The following UNC13C variants were observed in gnomAD, a reference collection of about 807,000 sequenced individuals.
UNC13C encodes unc-13 homolog C, also known as protein unc-13 homolog C.
Under a neutral mutation model 245.4 loss-of-function variants are expected in UNC13C, and 174 were observed. That is an observed-to-expected ratio of 0.71 (90% CI 0.63 to 0.80). The LOEUF is 0.80. UNC13C is among the 30% of genes least tolerant of loss of function. UNC13C has a pLI of 0.00. For missense variants in UNC13C, 2,829 were observed against 2,602.9 expected, an observed-to-expected ratio of 1.09 and a Z score of -1.89; for synonymous variants, 992 against 895.1, an observed-to-expected ratio of 1.11 and a Z score of -1.93.
At chr15:53,889,840 T>C in the UNC13C span, among the ~76,000 whole-genome samples, 1 of 152,230 alleles carries the variant, frequency 6.6e-6, no homozygotes, top group Non-Finnish European at 1.5e-5. Context: ...GTTCTGTTTA[T>C]ATGATGGTGT....
intron 19 of UNC13C, among the ~76,000 whole-genome samples, chr15:54,429,945 T>C (rs889563919): frequency 6.6e-6 from 1 of 151,692 alleles, no homozygotes; most frequent in Non-Finnish European, 1.5e-5. Flanking sequence ...TAAAAATGCA[T>C]ATGGTACATC....
At chr15:54,042,077 A>C (rs1477651590) in intron 2 of UNC13C, among the ~76,000 whole-genome samples, 3 of 152,148 alleles carry the variant, frequency 2.0e-5, no homozygotes, top group Non-Finnish European at 4.4e-5. Flanking sequence ...GCGATTTTTA[A>C]ATTTGGGGTG....
At chr15:53,998,834 T>C (rs1019688824) in intron 1 of UNC13C, among the ~76,000 whole-genome samples, 1 of 151,892 alleles carries the variant, frequency 6.6e-6, no homozygotes, top group African/African-American at 2.4e-5. Flanking sequence ...GTTAAGTGCC[T>C]TTTTTTTCTT....
intron 30 of UNC13C, among the ~76,000 whole-genome samples, chr15:54,571,121 T>A (rs914012726): frequency 2.0e-5 from 3 of 152,182 alleles, no homozygotes; most frequent in African/African-American, 7.2e-5. Flanking sequence ...AATGACCAAA[T>A]GAAGTCTCAG....
At chr15:54,530,050 C>T (rs1895665708) in intron 25 of UNC13C, among the ~76,000 whole-genome samples, 1 of 152,132 alleles carries the variant, frequency 6.6e-6, no homozygotes, top group Admixed American at 6.5e-5. Flanking sequence ...CGAAATATTG[C>T]TCTTCGTGAC....
At chr15:54,137,867 G>T (rs1039082275) in intron 2 of UNC13C, among the ~76,000 whole-genome samples, 3 of 151,730 alleles carry the variant, frequency 2.0e-5, no homozygotes. Flanking sequence ...TGCTGACATT[G>T]GGCTTAGTTT....
At position 54,049,154 on chromosome 15, in the gene UNC13C, A is replaced by G. The variant is rs530220209; in HGVS notation, c.2983+33268A>G. On this transcript the variant is annotated intron_variant, in intron 2 of 32. Transcript: ENST00000260323. ...CATCCTTACGAGGAAGAAGCTTTCCATCATCTAATAGTTTTCCAGTTGATA... is the reference window on the plus strand; with the variant it reads ...CATCCTTACGAGGAAGAAGCTTTCCGTCATCTAATAGTTTTCCAGTTGATA... The G allele has an allele frequency of 2.0e-5, 8 of 400,270 alleles. No individual in the cohort carries two copies. In the Admixed American group the frequency reaches 2.4e-4, roughly 12 times the overall value. The allele number at this position is 400,270 out of a possible 1,614,324, so 24.8% of individuals were successfully genotyped here. A position where few individuals can be genotyped will look rare whatever the true frequency, so the allele number is the denominator to read the frequency against.
At chr15:54,304,853 A>C (rs1421856121) in intron 13 of UNC13C, among the ~76,000 whole-genome samples, 1 of 152,012 alleles carries the variant, frequency 6.6e-6, no homozygotes, top group African/African-American at 2.4e-5. Flanking sequence ...TACAATCTCT[A>C]TTGTACCAAT....
chr15:54,489,365 C>T (rs1031084275), intron 19 of UNC13C, among the ~76,000 whole-genome samples: 1 of 152,142 alleles, frequency 6.6e-6, no homozygotes, highest in Non-Finnish European at 1.5e-5. Flanking sequence ...TTTATCTTAG[C>T]ATGAACTTAA....
chr15:54,075,602 T>G (rs1898571085), intron 2 of UNC13C, among the ~76,000 whole-genome samples: 1 of 150,812 alleles, frequency 6.6e-6, no homozygotes, highest in African/African-American at 2.4e-5. Flanking sequence ...CTGCAATTGC[T>G]TTTGCAGCAA....
intron 19 of UNC13C, among the ~76,000 whole-genome samples, chr15:54,442,541 G>A (rs1481981903): frequency 1.3e-5 from 2 of 151,926 alleles, no homozygotes. Context: ...TAGAGGAAAG[G>A]CTTTCAGACT....
chr15:54,148,737 C>G (rs2032387233), intron 4 of UNC13C, among the ~76,000 whole-genome samples: 1 of 152,182 alleles, frequency 6.6e-6, no homozygotes, highest in Non-Finnish European at 1.5e-5. Context: ...CAGATAACTT[C>G]CCTATTTCTC....
chr15:54,528,356 AC>A (rs1895579773), intron 25 of UNC13C, among the ~76,000 whole-genome samples: 1 of 148,140 alleles, frequency 6.8e-6, no homozygotes, highest in African/African-American at 2.5e-5. Context: ...CACCTTTAGT[AC>A]TAGAGGCTGG....
chr15:54,567,292 A>T (rs1897557334), intron 29 of UNC13C, among the ~76,000 whole-genome samples: 1 of 152,172 alleles, frequency 6.6e-6, no homozygotes, highest in African/African-American at 2.4e-5. Flanking sequence ...CTGCTTCGTC[A>T]GGTTGGCCTA....
At chr15:54,082,785 A>G (rs1338120317) in intron 2 of UNC13C, among the ~76,000 whole-genome samples, 1 of 151,944 alleles carries the variant, frequency 6.6e-6, no homozygotes, top group Non-Finnish European at 1.5e-5. Context: ...ACTATGGTAT[A>G]TGTTGTGTAT....
intron 17 of UNC13C, among the ~76,000 whole-genome samples, chr15:54,366,144 T>A (rs2039359950): frequency 6.6e-6 from 1 of 152,164 alleles, no homozygotes; most frequent in African/African-American, 2.4e-5. Context: ...TGAAAAGGCC[T>A]TATTTTTATT....
chr15:54,022,568 G>A lies in UNC13C; in HGVS notation c.2983+6682G>A, dbSNP rs185175210. Among the ~76,000 whole-genome samples, 9 of 152,226 alleles carry A rather than the reference G, an allele frequency of 5.9e-5. No individual in the cohort carries two copies. In the East Asian group the frequency reaches 7.7e-4, roughly 13 times the overall value. On this transcript the variant is annotated intron_variant, in intron 2 of 32. Transcript: ENST00000260323. ...ATCCTTTTGATAAACGTCTGCTCAG[G>A]TTCTTTGCCTATTTTAAAACCAGGT...
At chr15:53,944,127 A>T in the UNC13C span, among the ~76,000 whole-genome samples, 4 of 152,274 alleles carry the variant, frequency 2.6e-5, no homozygotes, top group South Asian at 8.3e-4. Context: ...AATTATTTAC[A>T]TTGAACATAA....
intron 29 of UNC13C, among the ~76,000 whole-genome samples, chr15:54,556,381 A>G (rs1402224313): frequency 6.6e-6 from 1 of 152,090 alleles, no homozygotes; most frequent in Non-Finnish European, 1.5e-5. Flanking sequence ...TCTGAATAAC[A>G]GTCACATACT....
Sources: gnomAD v4.1 joint callset for allele counts (sites outside exome capture counted in the v4.1 genomes callset) on GRCh38, gnomAD v4.1.1 for gene constraint, MANE v1.5 for transcripts, NCBI Gene and HGNC (gene_info 2026-07-23, HGNC 2026-07-21) for gene names.